NSL1: variants seen among roughly 807,000 people sequenced by gnomAD.
NSL1 encodes the protein kinetochore-associated protein NSL1 homolog.
In NSL1, 11 loss-of-function variants were observed where a neutral mutation model predicts 25.4. That is an observed-to-expected ratio of 0.43 (90% CI 0.27 to 0.72). The LOEUF (loss-of-function observed/expected upper bound fraction) is 0.72, where lower values mean the gene tolerates loss of function less well. Among genes scored for constraint, NSL1 ranks in the 30% least tolerant of loss-of-function variants. The pLI, the probability that NSL1 is intolerant of heterozygous loss-of-function variation, is 0.19. For synonymous variants in NSL1, 118 were observed against 120.6 expected, an observed-to-expected ratio of 0.98 and a Z score of 0.14; for missense variants, 330 against 342.7, an observed-to-expected ratio of 0.96 and a Z score of 0.29.
Position 212,735,227 on chromosome 1 carries a change from G to A in NSL1, c.*3181C>T, listed in dbSNP as rs1658184668. ...GTTAAGTAACTTGTCCAATATCATTGAACTAATAATGGTAGAACTGAAATC... is the reference window on the plus strand; with the variant it reads ...GTTAAGTAACTTGTCCAATATCATTAAACTAATAATGGTAGAACTGAAATC... On this transcript the variant is annotated 3_prime_UTR_variant, in exon 6 of 6. Transcript: ENST00000366977. The A allele has an allele frequency of 7.8e-6, 6 of 773,064 alleles. No homozygotes were observed. The highest frequency in any genetic ancestry group is 9.4e-6 in the Non-Finnish European group (6 of 636,662). The allele number at this position is 773,064 out of a possible 1,614,324, so 47.9% of individuals were successfully genotyped here. A position where few individuals can be genotyped will look rare whatever the true frequency, so the allele number is the denominator to read the frequency against.
intron 4 of NSL1, among the ~76,000 whole-genome samples, chr1:212,751,305 T>C (rs532130403): frequency 1.4e-3 from 210 of 152,350 alleles, no homozygotes; most frequent in African/African-American, 3.8e-3. Context: ...ATCAATCTTA[T>C]GCAATTTTAG....
intron 4 of NSL1, among the ~76,000 whole-genome samples, chr1:212,750,173 G>A (rs1331414463): frequency 2.0e-5 from 3 of 151,866 alleles, no homozygotes; most frequent in Admixed American, 6.6e-5. Flanking sequence ...TAGTCATGAT[G>A]GACCAAGGCT....
At chr1:212,753,540 T>A (rs1381515151) in intron 4 of NSL1, among the ~76,000 whole-genome samples, 31 of 152,220 alleles carry the variant, frequency 2.0e-4, no homozygotes, top group Admixed American at 2.0e-3. Context: ...TTTATTACTT[T>A]TCTTCTCCCA....
chr1:212,791,658 A>T lies in NSL1; in HGVS notation c.106T>A (p.Phe36Ile), dbSNP rs781355683. ...CGCTTCGAGGTGCAGCGCACCCGAA[A>T]GTCTTCTCGGGGAGTGGCGGAGACC... Reference protein sequence around the residue: ...ALVSATPREDFRVRCTSKRAV... With the variant: ...ALVSATPREDIRVRCTSKRAV... The change falls in exon 1 of 6, where the codon TTT (phenylalanine) becomes ATT (isoleucine). Residue 36 changes from phenylalanine to isoleucine, a missense_variant. Physicochemically the swap from Phe to Ile is conservative, Grantham distance 21 (BLOSUM62 0). Transcript: ENST00000366977. The T allele has an allele frequency of 3.1e-6, 5 of 1,613,756 alleles. No homozygotes were observed. Among genetic ancestry groups the T allele is most frequent in the Non-Finnish European group, 4.2e-6 (5 of 1,180,012 alleles).
intron 4 of NSL1, among the ~76,000 whole-genome samples, chr1:212,759,947 T>C (rs1341554689): frequency 1.3e-5 from 2 of 152,164 alleles, no homozygotes; most frequent in East Asian, 3.9e-4. Flanking sequence ...CGCACTGGCA[T>C]GTGCCTTTAG....
chr1:212,767,602 G>A (rs1659878843), intron 4 of NSL1, among the ~76,000 whole-genome samples: 1 of 152,148 alleles, frequency 6.6e-6, no homozygotes. Context: ...CTTCCGTAGA[G>A]CAAAAGAAAT....
chr1:212,750,587 G>A (rs1659024235), intron 4 of NSL1, among the ~76,000 whole-genome samples: 1 of 152,152 alleles, frequency 6.6e-6, no homozygotes, highest in African/African-American at 2.4e-5. Flanking sequence ...ATAACCTTAA[G>A]TGTTTGCCAT....
At position 212,731,584 on chromosome 1, in the gene NSL1, A is replaced by G; in HGVS notation, c.*6824T>C. 1.0e-6 allele frequency: 1 copy of G among 985,410 alleles called. No homozygotes were observed. The highest frequency in any genetic ancestry group is 5.2e-4 in the Middle Eastern group (1 of 1,914). 61.0% of individuals were successfully genotyped at this position (985,410 alleles called of 1,614,324 possible). Reference sequence around the variant, plus strand: ...CAAATCTATGAGGCTTCTATCAAAAATTATCAGTCCCTGGCCCAGTTCCCC... The same window carrying G: ...CAAATCTATGAGGCTTCTATCAAAAGTTATCAGTCCCTGGCCCAGTTCCCC... On this transcript the variant is annotated 3_prime_UTR_variant, in exon 6 of 6. Coordinates refer to ENST00000366977, the MANE Select transcript of NSL1 (RefSeq NM_015471.4).
At position 212,732,119 on chromosome 1, in the gene NSL1, C is replaced by T. The variant is rs919908162; in HGVS notation, c.*6289G>A. 57 of 983,376 alleles carry T rather than the reference C, an allele frequency of 5.8e-5. No homozygotes were observed. The highest frequency in any genetic ancestry group is 1.2e-4 in the Admixed American group (2 of 16,154). The allele number at this position is 983,376 out of a possible 1,614,324, so 60.9% of individuals were successfully genotyped here. On this transcript the variant is annotated 3_prime_UTR_variant, in exon 6 of 6. Transcript: ENST00000366977. ...GTTCACTGGAGAACTAATTTGTAAC[C>T]ATGATTACATTTCTTTTTTTGTACA...
At chr1:212,774,038 G>C (rs1174825528) in intron 4 of NSL1, among the ~76,000 whole-genome samples, 1 of 152,132 alleles carries the variant, frequency 6.6e-6, no homozygotes, top group Non-Finnish European at 1.5e-5. Context: ...ACCAGAGGCT[G>C]GGAAGGGTAT....
At chr1:212,770,234 T>C (rs1483753085) in intron 4 of NSL1, among the ~76,000 whole-genome samples, 1 of 152,036 alleles carries the variant, frequency 6.6e-6, no homozygotes, top group Non-Finnish European at 1.5e-5. Flanking sequence ...AACACAATAG[T>C]AGTCAAGGAC....
At chr1:212,750,518 G>A (rs1056451256) in intron 4 of NSL1, among the ~76,000 whole-genome samples, 1 of 152,208 alleles carries the variant, frequency 6.6e-6, no homozygotes, top group Non-Finnish European at 1.5e-5. Flanking sequence ...TAGGAGGACA[G>A]AAGGTTCCCA....
chr1:212,776,997 AAAAC>A (rs1367805584), intron 4 of NSL1, among the ~76,000 whole-genome samples: 6 of 151,936 alleles, frequency 3.9e-5, no homozygotes, highest in Non-Finnish European at 5.9e-5. Context: ...AAGGAACCAG[AAAAC>A]AAACAAACAA....
intron 4 of NSL1, 64 bp from the exon 5 acceptor site, chr1:212,739,665 T>C (rs923846059): frequency 1.1e-5 from 17 of 1,510,356 alleles, no homozygotes; most frequent in African/African-American, 6.9e-5. Flanking sequence ...AAAAGGCATA[T>C]AGATACTATC....
chr1:212,785,264 T>C (rs752665908), intron 2 of NSL1, among the ~76,000 whole-genome samples: 42 of 152,166 alleles, frequency 2.8e-4, no homozygotes, highest in Admixed American at 7.9e-4. Context: ...TAACTCTACT[T>C]TATCATATGC....
Position 212,787,551 on chromosome 1 carries a change from TCA to T in NSL1, c.313+6_313+7del. ...AGAAATTAATAATGGAAGGAAAAAGTCACATACCCATAAAACAATTATCTGAA... is the reference window on the plus strand; with the variant it reads ...AGAAATTAATAATGGAAGGAAAAAGTCATACCCATAAAACAATTATCTGAA... On this transcript the variant is annotated splice_donor_region_variant and intron_variant, in intron 2 of 5. Coordinates refer to ENST00000366977, the MANE Select transcript of NSL1 (RefSeq NM_015471.4). 7.6e-6 allele frequency: 12 copies of T among 1,584,964 alleles called. No individual in the cohort carries two copies. Among genetic ancestry groups the T allele is most frequent in the Non-Finnish European group, 1.0e-5 (12 of 1,167,174 alleles).
intron 4 of NSL1, among the ~76,000 whole-genome samples, chr1:212,762,608 T>C (rs1571891865): frequency 1.3e-5 from 2 of 152,126 alleles, no homozygotes; most frequent in East Asian, 3.9e-4. Context: ...GCCTACTGCA[T>C]GAGACAGGTG....
At chr1:212,784,668 A>C (rs1326440163) in intron 2 of NSL1, among the ~76,000 whole-genome samples, 175 bp from the exon 3 acceptor site, 1 of 152,238 alleles carries the variant, frequency 6.6e-6, no homozygotes, top group Admixed American at 6.5e-5. Context: ...CGCATTGAAC[A>C]ATCAATTATT....
In NSL1 at chr1:212,739,725, C is replaced by T; in HGVS notation, c.500-124G>A. ...GACAAAAATCTGCTAGGACGATTCA[C>T]CTCAGCTTAATCTTTCTCAGAGTGA... On this transcript the variant is annotated intron_variant, in intron 4 of 5. Coordinates refer to ENST00000366977, the MANE Select transcript of NSL1 (RefSeq NM_015471.4). The T allele has an allele frequency of 3.8e-6, 3 of 790,156 alleles. No individual in the cohort carries two copies. The South Asian group carries it at 5.2e-5, about 14-fold the overall frequency. 48.9% of individuals were successfully genotyped at this position (790,156 alleles called of 1,614,324 possible). A position where few individuals can be genotyped will look rare whatever the true frequency, so the allele number is the denominator to read the frequency against.
Sources: allele counts gnomAD v4.1 joint callset (sites outside exome capture counted in the v4.1 genomes callset), GRCh38; gene constraint gnomAD v4.1.1; transcripts MANE v1.5; gene names NCBI Gene and HGNC (gene_info 2026-07-23, HGNC 2026-07-21).